Variants in USP32 observed in about 807,000 individuals in gnomAD.
The protein encoded by USP32 is ubiquitin specific peptidase 32.
A neutral mutation model predicts 204.8 loss-of-function variants in USP32; 59 were observed. The ratio of observed to expected loss-of-function variants is 0.29; its 90% CI spans 0.23 to 0.36. USP32 has a LOEUF of 0.36. USP32 is among the 10% of genes least tolerant of loss of function. The pLI, the probability that USP32 is intolerant of heterozygous loss-of-function variation, is 1.00. For synonymous variants in USP32, 517 were observed against 678.4 expected (o/e 0.76, Z 3.70); for missense variants, 1,160 against 1,946.4 (o/e 0.60, Z 7.60).
At chr17:60,323,207 T>A (rs1293143755) in intron 2 of USP32, among the ~76,000 whole-genome samples, 1 of 152,160 alleles carries the variant, frequency 6.6e-6, no homozygotes, top group Admixed American at 6.5e-5. Flanking sequence ...CACAGCAGCA[T>A]TATTTATAAT....
chr17:60,409,831 T>C, intron 1 of USP32, among the ~76,000 whole-genome samples: 1 of 152,280 alleles, frequency 6.6e-6, no homozygotes, highest in Admixed American at 6.5e-5. Flanking sequence ...TGATAGCTCA[T>C]AAGCTTAAAA....
intron 15 of USP32, among the ~76,000 whole-genome samples, chr17:60,220,329 A>G (rs530090454): frequency 1.8e-4 from 27 of 152,304 alleles, no homozygotes; most frequent in African/African-American, 5.8e-4. Flanking sequence ...TTTCGTTAAT[A>G]TGAAGAGTAT....
At chr17:60,242,848 G>C (rs576770466) in intron 11 of USP32, among the ~76,000 whole-genome samples, 86 of 152,196 alleles carry the variant, frequency 5.7e-4, no homozygotes, top group African/African-American at 1.9e-3. Flanking sequence ...TTTTGAAGTT[G>C]TTTAGGCTAG....
intron 4 of USP32, among the ~76,000 whole-genome samples, chr17:60,291,533 GTGTA>G (rs1454259988): frequency 9.8e-4 from 131 of 133,486 alleles, no homozygotes; most frequent in African/African-American, 2.5e-3. Context: ...CTCTCTGTGT[GTGTA>G]TGTGTGTGTG....
intron 1 of USP32, among the ~76,000 whole-genome samples, chr17:60,408,054 C>T (rs965142797): frequency 1.3e-5 from 2 of 148,226 alleles, no homozygotes; most frequent in Non-Finnish European, 3.0e-5. Flanking sequence ...GCTGAGATGT[C>T]GCCACTGCAC....
intron 2 of USP32, among the ~76,000 whole-genome samples, chr17:60,305,728 A>C (rs1014562459): frequency 6.6e-6 from 1 of 152,342 alleles, no homozygotes; most frequent in East Asian, 1.9e-4. Context: ...CAGTCTCTTC[A>C]CTTTTGACAA....
chr17:60,330,252 C>T (rs2088347351), intron 2 of USP32, among the ~76,000 whole-genome samples: 1 of 152,104 alleles, frequency 6.6e-6, no homozygotes, highest in African/African-American at 2.4e-5. Context: ...TCCTGAGTAG[C>T]TTTTTTCTTT....
At chr17:60,289,923 A>C (rs1434042916) in intron 4 of USP32, among the ~76,000 whole-genome samples, 3 of 152,224 alleles carry the variant, frequency 2.0e-5, no homozygotes, top group Non-Finnish European at 2.9e-5. Flanking sequence ...CATCCCATTA[A>C]GTGAGGCGAT....
intron 1 of USP32, among the ~76,000 whole-genome samples, chr17:60,354,482 A>C (rs1208332272): frequency 1.3e-5 from 2 of 152,226 alleles, no homozygotes; most frequent in East Asian, 1.9e-4. Flanking sequence ...AAGAATTTAC[A>C]AACCTAGGAC....
intron 18 of USP32, among the ~76,000 whole-genome samples, chr17:60,212,439 G>A (rs574820608): frequency 3.2e-4 from 48 of 152,282 alleles, no homozygotes; most frequent in African/African-American, 1.1e-3. Flanking sequence ...AAACATGTTA[G>A]AACATAGAAA....
intron 1 of USP32, among the ~76,000 whole-genome samples, chr17:60,374,658 C>A (rs1209162923): frequency 1.3e-5 from 2 of 152,106 alleles, no homozygotes; most frequent in African/African-American, 4.8e-5. Flanking sequence ...CAGGTGGGAG[C>A]CACCACGTTC....
At chr17:60,417,943 C>G (rs1268970710) in intron 1 of USP32, among the ~76,000 whole-genome samples, 1 of 150,604 alleles carries the variant, frequency 6.6e-6, no homozygotes, top group Non-Finnish European at 1.5e-5. Flanking sequence ...GCGTCCACCA[C>G]CACGTCCGGC....
chr17:60,354,556 C>T (rs1399596512), intron 1 of USP32, among the ~76,000 whole-genome samples: 1 of 152,162 alleles, frequency 6.6e-6, no homozygotes, highest in African/African-American at 2.4e-5. Flanking sequence ...CTGCTTGGTG[C>T]AGCTGATCTG....
Position 60,255,174 on chromosome 17 carries a change from C to A in USP32, c.1074+1G>T, listed in dbSNP as rs2086264403. The A allele has an allele frequency of 6.2e-7, 1 of 1,609,500 alleles. No homozygotes were observed. Among genetic ancestry groups the A allele is most frequent in the Non-Finnish European group, 8.5e-7 (1 of 1,177,194 alleles). On this transcript the variant is annotated splice_donor_variant, in intron 10 of 33. Coordinates refer to ENST00000300896, the MANE Select transcript of USP32 (RefSeq NM_032582.4). LOFTEE classifies it high-confidence loss of function. The stretch of plus-strand genomic sequence containing the variant: ...GTTGCTGTCATTTACCTTAAACATA[C>A]CTGGAAAAGGAGGTTCAAAAACTCA...
At chr17:60,339,332 C>G (rs923943458) in intron 2 of USP32, among the ~76,000 whole-genome samples, 2 of 151,854 alleles carry the variant, frequency 1.3e-5, no homozygotes, top group African/African-American at 4.8e-5. Context: ...CCTGTAATCC[C>G]AGCACTTTAG....
At chr17:60,412,066 G>C (rs2090022998) in intron 1 of USP32, among the ~76,000 whole-genome samples, 1 of 152,116 alleles carries the variant, frequency 6.6e-6, no homozygotes, top group African/African-American at 2.4e-5. Flanking sequence ...TGATGAGCCT[G>C]TTAGAGCCAG....
chr17:60,395,890 G>A (rs1322822095), upstream of USP32, among the ~76,000 whole-genome samples: 1 of 151,938 alleles, frequency 6.6e-6, no homozygotes, highest in African/African-American at 2.4e-5. Flanking sequence ...GAGAGAGGGA[G>A]GTCAATACAA....
intron 26 of USP32, among the ~76,000 whole-genome samples, chr17:60,203,721 C>T (rs1292102031): frequency 1.1e-4 from 17 of 152,102 alleles, no homozygotes; most frequent in African/African-American, 4.1e-4. Flanking sequence ...GGACTACCGG[C>T]GTGTGCCACC....
At chr17:60,287,473 C>A (rs1271499825) in intron 5 of USP32, among the ~76,000 whole-genome samples, 1 of 152,120 alleles carries the variant, frequency 6.6e-6, no homozygotes, top group Non-Finnish European at 1.5e-5. Flanking sequence ...GGAGGTTGGG[C>A]TTTGAGCATT....
Sources: allele counts gnomAD v4.1 joint callset (sites outside exome capture counted in the v4.1 genomes callset), GRCh38; gene constraint gnomAD v4.1.1; transcripts MANE v1.5; gene names NCBI Gene and HGNC (gene_info 2026-07-23, HGNC 2026-07-21).